Variants in EBF1 observed in about 807,000 individuals in gnomAD.
The protein encoded by EBF1 is transcription factor COE1.
EBF1 carries 10 observed loss-of-function variants against 68.4 expected under a neutral mutation model. The ratio of observed to expected loss-of-function variants is 0.15; its 90% CI spans 0.09 to 0.25. EBF1 has a LOEUF of 0.25. EBF1 is among the 10% of genes least tolerant of loss of function. The pLI, the probability that EBF1 is intolerant of heterozygous loss-of-function variation, is 1.00. For synonymous variants in EBF1, 298 were observed against 299.8 expected, an observed-to-expected ratio of 0.99 and a Z score of 0.06; for missense variants, 509 against 794.4, an observed-to-expected ratio of 0.64 and a Z score of 4.32.
chr5:159,066,091 A>G (rs754446489), intron 6 of EBF1, among the ~76,000 whole-genome samples: 1 of 152,206 alleles, frequency 6.6e-6, no homozygotes, highest in African/African-American at 2.4e-5. Context: ...ATTCATGTCA[A>G]TGATTCAGGA....
At chr5:158,854,756 A>C (rs1020046865) in intron 6 of EBF1, among the ~76,000 whole-genome samples, 1 of 152,228 alleles carries the variant, frequency 6.6e-6, no homozygotes, top group Non-Finnish European at 1.5e-5. Context: ...CATCAAACCC[A>C]GCACAAACAA....
intron 6 of EBF1, among the ~76,000 whole-genome samples, chr5:158,986,624 G>T (rs1759139586): frequency 6.6e-6 from 1 of 152,182 alleles, no homozygotes. Context: ...AAAATATTCT[G>T]CCGACCAAGC....
intron 11 of EBF1, among the ~76,000 whole-genome samples, chr5:158,727,509 T>TC (rs900306455): frequency 1.3e-5 from 2 of 152,092 alleles, no homozygotes; most frequent in African/African-American, 2.4e-5. Flanking sequence ...CACATGTTCC[T>TC]CCCCTTCCTG....
At chr5:158,747,103 T>C (rs1272060924) in intron 10 of EBF1, among the ~76,000 whole-genome samples, 1 of 152,128 alleles carries the variant, frequency 6.6e-6, no homozygotes, top group Non-Finnish European at 1.5e-5. Flanking sequence ...ACTGCAAAAA[T>C]CTTCCTTCAG....
chr5:159,073,198 C>A (rs548044112), intron 6 of EBF1, among the ~76,000 whole-genome samples, 198 bp downstream of exon 6: 26 of 152,150 alleles, frequency 1.7e-4, no homozygotes, highest in Non-Finnish European at 3.4e-4. Context: ...AAAACCGGAG[C>A]AATCCAAGGA....
chr5:158,811,099 T>C (rs917005198), intron 8 of EBF1, among the ~76,000 whole-genome samples: 26 of 152,150 alleles, frequency 1.7e-4, no homozygotes, highest in African/African-American at 5.6e-4. Context: ...CTATAAAGTA[T>C]CATTTCTGTC....
At position 159,099,380 on chromosome 5, in the gene EBF1, G is replaced by A. The variant is rs2128018224; in HGVS notation, c.99C>T (p.Gly33=). Residue 33 remains glycine (G), a synonymous_variant, in exon 1 of 16, where the codon GGC becomes GGT. Transcript: ENST00000313708. The part of the protein sequence containing the change: ...GMNAVRTWMQ[G]AGVLDANTAA... ...CCGTGTTGGCGTCCAGCACCCCGGCGCCCTGCATCCACGTCCGCACCGCGT... is the reference window on the plus strand; with the variant it reads ...CCGTGTTGGCGTCCAGCACCCCGGCACCCTGCATCCACGTCCGCACCGCGT... 6.3e-7 allele frequency: 1 copy of A among 1,596,786 alleles called. No individual in the cohort carries two copies. The highest frequency in any genetic ancestry group is 8.5e-7 in the Non-Finnish European group (1 of 1,172,158).
chr5:158,892,778 G>C (rs917899822), intron 6 of EBF1, among the ~76,000 whole-genome samples: 2 of 151,876 alleles, frequency 1.3e-5, no homozygotes, highest in African/African-American at 4.8e-5. Context: ...ACTTTTCCTG[G>C]TAAGACATTT....
intron 1 of EBF1, 56 bp downstream of exon 1, chr5:159,099,289 C>T (rs1783216030): frequency 1.5e-6 from 2 of 1,374,830 alleles, no homozygotes; most frequent in Non-Finnish European, 1.9e-6. Context: ...CCGCCTCCGC[C>T]TCCCGGCTCT....
intron 6 of EBF1, among the ~76,000 whole-genome samples, chr5:158,850,123 A>T (rs1009392965): frequency 6.6e-6 from 1 of 152,200 alleles, no homozygotes; most frequent in Non-Finnish European, 1.5e-5. Flanking sequence ...TCCAAGTTAA[A>T]CCTGCCATTG....
At chr5:158,833,176 C>T (rs1297139025) in intron 7 of EBF1, among the ~76,000 whole-genome samples, 3 of 151,598 alleles carry the variant, frequency 2.0e-5, no homozygotes, top group Admixed American at 6.6e-5. Flanking sequence ...GGTGGTGGTG[C>T]GTGACTGTAG....
At chr5:159,054,754 T>C (rs1210254254) in intron 6 of EBF1, among the ~76,000 whole-genome samples, 2 of 150,314 alleles carry the variant, frequency 1.3e-5, no homozygotes, top group Non-Finnish European at 3.0e-5. Context: ...ATATCAACAT[T>C]AGGCTGCTTC....
At chr5:158,950,260 A>C (rs766999977) in intron 6 of EBF1, among the ~76,000 whole-genome samples, 1 of 152,256 alleles carries the variant, frequency 6.6e-6, no homozygotes, top group Non-Finnish European at 1.5e-5. Context: ...ATGTAACAAC[A>C]TCATTCATTA....
chr5:158,826,136 A>G (rs942092859), intron 7 of EBF1, among the ~76,000 whole-genome samples: 4 of 152,180 alleles, frequency 2.6e-5, no homozygotes, highest in Non-Finnish European at 5.9e-5. Flanking sequence ...GAGACAGATA[A>G]ACATTAAAAA....
chr5:158,907,024 T>C (rs1804796467), intron 6 of EBF1, among the ~76,000 whole-genome samples: 1 of 152,226 alleles, frequency 6.6e-6, no homozygotes, highest in South Asian at 2.1e-4. Flanking sequence ...TGTGCCCAGA[T>C]AGTCTAGGAC....
intron 6 of EBF1, among the ~76,000 whole-genome samples, chr5:158,985,072 A>G (rs1280456446): frequency 6.6e-6 from 1 of 152,128 alleles, no homozygotes; most frequent in East Asian, 1.9e-4. Context: ...GCGGCACTAT[A>G]GTTTCTTTTC....
At position 158,941,402 on chromosome 5, in the gene EBF1, G is replaced by A. The variant is rs368069895; in HGVS notation, c.555-101292C>T. Among the ~76,000 whole-genome samples, 3 of 152,286 alleles carry A rather than the reference G, an allele frequency of 2.0e-5. No homozygotes were observed. The South Asian group carries it at 6.2e-4, about 32-fold the overall frequency. The stretch of plus-strand genomic sequence containing the variant: ...TCTATAGTCAGAGCCTAATAACACT[G>A]CAAGTTTCGAAGGAAGATATTCGTT... On this transcript the variant is annotated intron_variant, in intron 6 of 15. Coordinates refer to ENST00000313708, the MANE Select transcript of EBF1 (RefSeq NM_024007.5).
At position 159,030,872 on chromosome 5, in the gene EBF1, C is replaced by A. The variant is rs181770005; in HGVS notation, c.554+42524G>T. On this transcript the variant is annotated intron_variant, in intron 6 of 15. Transcript: ENST00000313708. Reference sequence around the variant, plus strand: ...GTGCATGATGGGCTGGTTGTGGGGCCGTGAAGTATGAAAACAGTAGCCGGG... The same window carrying A: ...GTGCATGATGGGCTGGTTGTGGGGCAGTGAAGTATGAAAACAGTAGCCGGG... Among the ~76,000 whole-genome samples, 467 of 152,084 alleles carry A rather than the reference C, an allele frequency of 3.1e-3. 2 individuals are homozygous for A. Among genetic ancestry groups the A allele is most frequent in the Non-Finnish European group, 5.1e-3 (349 of 67,976 alleles).
intron 8 of EBF1, among the ~76,000 whole-genome samples, chr5:158,816,988 T>C (rs952932378): frequency 1.3e-5 from 2 of 152,150 alleles, no homozygotes; most frequent in African/African-American, 4.8e-5. Flanking sequence ...TTTCACCGGA[T>C]CTGAGGAGCC....
Sources: gnomAD v4.1 joint callset for allele counts (sites outside exome capture counted in the v4.1 genomes callset) on GRCh38, gnomAD v4.1.1 for gene constraint, MANE v1.5 for transcripts, NCBI Gene and HGNC (gene_info 2026-07-23, HGNC 2026-07-21) for gene names.